DPYD: variants seen among roughly 807,000 people sequenced by gnomAD.
DPYD encodes dihydropyrimidine dehydrogenase.
DPYD carries 109 observed loss-of-function variants against 116.2 expected under a neutral mutation model. The observed-to-expected ratio is 0.94, with a 90% CI of 0.80 to 1.10. The LOEUF (loss-of-function observed/expected upper bound fraction) is 1.10, where lower values mean the gene tolerates loss of function less well. Among genes scored for constraint, DPYD ranks in the 50% least tolerant of loss-of-function variants. The pLI is 0.00. For synonymous variants in DPYD, 440 were observed against 432.0 expected (o/e 1.02, Z -0.23); for missense variants, 1,302 against 1,254.5 (o/e 1.04, Z -0.57).
At chr1:97,720,545 T>G in intron 5 of DPYD, 1 of 1,036,242 alleles carries the variant, frequency 9.7e-7, no homozygotes, top group South Asian at 4.3e-5. Flanking sequence ...CCAGGAGCTC[T>G]TCTTTAGAAT....
chr1:97,293,783 A>G (rs947717285), intron 18 of DPYD, among the ~76,000 whole-genome samples: 16 of 152,114 alleles, frequency 1.1e-4, no homozygotes, highest in Non-Finnish European at 4.4e-5. Flanking sequence ...CTCTACTAAA[A>G]ATACAAAAAT....
intron 5 of DPYD, among the ~76,000 whole-genome samples, chr1:97,706,888 A>C (rs1189954815): frequency 6.6e-6 from 1 of 152,080 alleles, no homozygotes; most frequent in East Asian, 1.9e-4. Context: ...TCATATGATA[A>C]GAGTATGTTT....
chr1:97,672,996 T>C (rs538985839), intron 8 of DPYD, among the ~76,000 whole-genome samples: 1 of 152,186 alleles, frequency 6.6e-6, no homozygotes, highest in African/African-American at 2.4e-5. Context: ...CTAATTCTTC[T>C]TGAGTATCAG....
chr1:97,745,478 G>C (rs1313617667), intron 3 of DPYD, among the ~76,000 whole-genome samples: 2 of 152,092 alleles, frequency 1.3e-5, no homozygotes, highest in African/African-American at 2.4e-5. Context: ...AAAATTATTT[G>C]TTGGATGATA....
chr1:97,404,054 G>T (rs1213687067), intron 14 of DPYD, among the ~76,000 whole-genome samples: 1 of 151,878 alleles, frequency 6.6e-6, no homozygotes, highest in Non-Finnish European at 1.5e-5. Context: ...TGGCCCATGT[G>T]TTATTTAGAG....
chr1:97,657,947 T>C (rs894633684), intron 8 of DPYD, among the ~76,000 whole-genome samples: 4 of 152,226 alleles, frequency 2.6e-5, no homozygotes, highest in South Asian at 2.1e-4. Context: ...GAATTTCACA[T>C]GAAAATTCAA....
In DPYD at chr1:97,883,132, T is replaced by G. The variant is rs1230343773; in HGVS notation, c.150+132A>C. 264 of 620,608 alleles carry G rather than the reference T, an allele frequency of 4.3e-4. 1 individual carries two copies. Among genetic ancestry groups the G allele is most frequent in the Non-Finnish European group, 2.0e-5 (7 of 357,604 alleles). The allele number at this position is 620,608 out of a possible 1,614,324, so 38.4% of individuals were successfully genotyped here. On this transcript the variant is annotated intron_variant, in intron 2 of 22. Transcript: ENST00000370192. ...TACACTTTCAAACTTTTTCAAATATTAAATATTTAAAATATTTTTAAAATC... is the reference window on the plus strand; with the variant it reads ...TACACTTTCAAACTTTTTCAAATATGAAATATTTAAAATATTTTTAAAATC...
intron 19 of DPYD, among the ~76,000 whole-genome samples, chr1:97,211,257 T>C (rs969011975): frequency 2.0e-5 from 3 of 152,180 alleles, no homozygotes; most frequent in Non-Finnish European, 4.4e-5. Flanking sequence ...TTCCCATAGC[T>C]GGATGAATCT....
chr1:97,273,818 A>G (rs1664751552), intron 18 of DPYD, among the ~76,000 whole-genome samples: 2 of 152,268 alleles, frequency 1.3e-5, no homozygotes, highest in Non-Finnish European at 2.9e-5. Context: ...TGAAGCCCCA[A>G]TATTTCTTGA....
chr1:97,848,866 C>G (rs537464785), intron 2 of DPYD, among the ~76,000 whole-genome samples: 4 of 152,134 alleles, frequency 2.6e-5, no homozygotes, highest in African/African-American at 7.2e-5. Context: ...TCATATGTCT[C>G]CAAACATTTG....
intron 2 of DPYD, among the ~76,000 whole-genome samples, chr1:97,863,087 AATG>A (rs1671202904): frequency 6.6e-6 from 1 of 151,964 alleles, no homozygotes; most frequent in Admixed American, 6.6e-5. Context: ...TAAAGCAAGA[AATG>A]ATAATAGTGA....
intron 11 of DPYD, among the ~76,000 whole-genome samples, chr1:97,563,171 A>G (rs928842858): frequency 2.6e-5 from 4 of 152,208 alleles, no homozygotes; most frequent in African/African-American, 9.6e-5. Flanking sequence ...TATACTCTAT[A>G]TTATCATTTT....
intron 8 of DPYD, among the ~76,000 whole-genome samples, chr1:97,607,525 G>A (rs1264904960): frequency 1.3e-5 from 2 of 152,000 alleles, no homozygotes; most frequent in East Asian, 3.9e-4. Flanking sequence ...AAAAAAAATG[G>A]TGCTGGGAGT....
intron 8 of DPYD, among the ~76,000 whole-genome samples, chr1:97,663,652 T>C (rs1266677367): frequency 6.6e-6 from 1 of 152,196 alleles, no homozygotes; most frequent in East Asian, 1.9e-4. Flanking sequence ...AAATCCTTCA[T>C]TTTCCACAGC....
At chr1:97,233,742 T>G (rs780880606) in intron 19 of DPYD, among the ~76,000 whole-genome samples, 3 of 152,150 alleles carry the variant, frequency 2.0e-5, no homozygotes, top group Non-Finnish European at 2.9e-5. Flanking sequence ...CTCACCACTG[T>G]GTTGTTTCTC....
intron 20 of DPYD, among the ~76,000 whole-genome samples, chr1:97,109,260 G>T (rs1189776109): frequency 6.6e-6 from 1 of 152,080 alleles, no homozygotes; most frequent in Non-Finnish European, 1.5e-5. Flanking sequence ...AATAAATAAT[G>T]TAAAGATGTG....
chr1:97,662,624 C>T (rs1055538051), intron 8 of DPYD, among the ~76,000 whole-genome samples: 1 of 151,956 alleles, frequency 6.6e-6, no homozygotes, highest in African/African-American at 2.4e-5. Context: ...CAGATCGAGA[C>T]TCTGTCTCAA....
At chr1:97,832,606 G>A (rs548814774) in intron 2 of DPYD, among the ~76,000 whole-genome samples, 6 of 152,060 alleles carry the variant, frequency 3.9e-5, no homozygotes, top group South Asian at 2.1e-4. Context: ...TGACACCACC[G>A]TGACAAATAT....
chr1:97,783,296 T>C (rs1249440763), intron 3 of DPYD, among the ~76,000 whole-genome samples: 3 of 152,212 alleles, frequency 2.0e-5, no homozygotes, highest in Non-Finnish European at 4.4e-5. Flanking sequence ...TCAGATGTGC[T>C]TTATCGGGTT....
Sources: allele counts gnomAD v4.1 joint callset (sites outside exome capture counted in the v4.1 genomes callset), GRCh38; gene constraint gnomAD v4.1.1; transcripts MANE v1.5; gene names NCBI Gene and HGNC (gene_info 2026-07-23, HGNC 2026-07-21).